Variants in PSMB10 observed in about 807,000 individuals in gnomAD.
PSMB10 encodes the protein proteasome 20S subunit beta 10, also known as proteasome subunit beta type-10.
Under a neutral mutation model 29.8 loss-of-function variants are expected in PSMB10, and 29 were observed. That is an observed-to-expected ratio of 0.97 (90% CI 0.73 to 1.33). The LOEUF is 1.33. Among genes scored for constraint, PSMB10 ranks in the 40% most tolerant of loss-of-function variants. The pLI is 0.00. For synonymous variants in PSMB10, 157 were observed against 164.7 expected (o/e 0.95, Z 0.36); for missense variants, 327 against 369.2 (o/e 0.89, Z 0.94).
Position 67,935,692 on chromosome 16 carries a change from T to C in PSMB10, c.389A>G (p.Gln130Arg). Residue 130 changes from glutamine to arginine, a missense_variant, in exon 5 of 8, where the codon CAG becomes CGG. By Grantham distance (43) the Gln-to-Arg change is conservative. Transcript: ENST00000358514. ...GATCAGCGATGCACCCACGTGGCCC[T>C]GGTACCTGCTCGAGGATGGGCGGGG... is the stretch of plus-strand genomic sequence containing the variant. ...RILRQTLFRY[Q>R]GHVGASLIVG... 6.2e-7 allele frequency: 1 copy of C among 1,613,664 alleles called. No individual in the cohort carries two copies. Among genetic ancestry groups the C allele is most frequent in the African/African-American group, 1.3e-5 (1 of 75,036 alleles).
chr16:67,934,710 T>A lies in PSMB10; in HGVS notation c.711-39A>T, dbSNP rs755011225. 3 of 1,610,932 alleles carry A rather than the reference T, an allele frequency of 1.9e-6. No homozygotes were observed. Among genetic ancestry groups the A allele is most frequent in the Non-Finnish European group, 2.5e-6 (3 of 1,177,234 alleles). On this transcript the variant is annotated intron_variant, in intron 7 of 7. Transcript: ENST00000358514. This position sits in a 1 kb window ranked among gnomAD's most constrained non-coding sequence, Gnocchi z 4.3. ...GGGACAGCCTCTGAACATGGGCCTG[T>A]CATGTGGCCCATCCCCTTTTTGCAG... is the stretch of plus-strand genomic sequence containing the variant.
Position 67,936,123 on chromosome 16 carries a change from C to G in PSMB10, c.243-20G>C. On this transcript the variant is annotated intron_variant, in intron 3 of 7. Transcript: ENST00000358514. ...CAGCAGCTGAGGCAAAAGGGAGGAT[C>G]GGTGTGGGCAGGGCTGGGACGTGCG... 1 of 1,607,046 alleles carries G rather than the reference C, an allele frequency of 6.2e-7. No individual in the cohort carries two copies. Among genetic ancestry groups the G allele is most frequent in the Non-Finnish European group, 8.5e-7 (1 of 1,174,376 alleles).
rs1407610788 is a variant in PSMB10, at chr16:67,936,235, G to A, written c.222C>T (p.His74=). 13 of 1,613,978 alleles carry A rather than the reference G, an allele frequency of 8.1e-6. No homozygotes were observed. The highest frequency in any genetic ancestry group is 1.1e-5 in the Non-Finnish European group (13 of 1,179,982). The part of the protein sequence containing the change: ...VVADKSCEKI[H]FIAPKIYCCG... ...CTCACTAGATTTTGGGGGCGATGAA[G>A]TGGATCTTCTCGCAGCTCTTGTCCG... Residue 74 remains histidine (H), a synonymous_variant, in exon 3 of 8, where the codon CAC becomes CAT. Coordinates refer to ENST00000358514, the MANE Select transcript of PSMB10 (RefSeq NM_002801.4).
At position 67,934,740 on chromosome 16, in the gene PSMB10, CT is replaced by C. The variant is rs765558495; in HGVS notation, c.710+56del. ...TGGCCCATCCCCTTTTTGCAGCCCC[CT>C]ATCTCCCCTGCTATAGCCCCACACA... On this transcript the variant is annotated intron_variant, in intron 7 of 7. Coordinates refer to ENST00000358514, the MANE Select transcript of PSMB10 (RefSeq NM_002801.4). The surrounding 1 kb of genome is among the most constrained non-coding windows in gnomAD (Gnocchi z 4.3). 6 of 1,610,340 alleles carry C rather than the reference CT, an allele frequency of 3.7e-6. No homozygotes were observed. The highest frequency in any genetic ancestry group is 5.1e-6 in the Non-Finnish European group (6 of 1,176,814).
At position 67,935,507 on chromosome 16, in the gene PSMB10, AC is replaced by A. The variant is rs747218751; in HGVS notation, c.500-30del. ...AAGGCAGGAGAAGCATCTGAAGTCA[AC>A]CGCTGCGACGCCGTTTGGAGTGAGG... On this transcript the variant is annotated intron_variant, in intron 5 of 7. Coordinates refer to ENST00000358514, the MANE Select transcript of PSMB10 (RefSeq NM_002801.4). 3.7e-6 allele frequency: 6 copies of A among 1,614,010 alleles called. No individual in the cohort carries two copies. In the Admixed American group the frequency reaches 1.0e-4, roughly 27 times the overall value.
In PSMB10 at chr16:67,935,574, G is replaced by A; in HGVS notation, c.499+8C>T. 3 of 1,614,014 alleles carry A rather than the reference G, an allele frequency of 1.9e-6. No homozygotes were observed. On this transcript the variant is annotated splice_region_variant and intron_variant, in intron 5 of 7. Transcript: ENST00000358514. ...CAGAGTTCGAGGAGAAGGGACAGAA[G>A]CGCTCACCCAGGGCTGTGAAGGGCA... is the stretch of plus-strand genomic sequence containing the variant.
At chr16:67,935,268 C>A in intron 6 of PSMB10, 152 bp downstream of exon 6, 1 of 918,944 alleles carries the variant, frequency 1.1e-6, no homozygotes, top group Non-Finnish European at 1.6e-6. Flanking sequence ...ATGTCGGGAC[C>A]GCACTTCTCT....
chr16:67,935,884 C>A (rs1464599197), intron 4 of PSMB10, 79 bp downstream of exon 4: 3 of 1,555,466 alleles, frequency 1.9e-6, no homozygotes, highest in Non-Finnish European at 2.6e-6. Context: ...GCGGTCCCGC[C>A]CTTCTTTCTG....
In PSMB10 at chr16:67,934,752, C is replaced by A. The variant is rs755696726; in HGVS notation, c.710+45G>T. The A allele has an allele frequency of 2.0e-5, 33 of 1,610,668 alleles. No individual in the cohort carries two copies. Among genetic ancestry groups the A allele is most frequent in the Admixed American group, 1.7e-4 (10 of 59,956 alleles). On this transcript the variant is annotated intron_variant, in intron 7 of 7. Transcript: ENST00000358514. The surrounding 1 kb of genome is among the most constrained non-coding windows in gnomAD (Gnocchi z 4.3). The stretch of plus-strand genomic sequence containing the variant: ...TTTTTGCAGCCCCCTATCTCCCCTG[C>A]TATAGCCCCACACATCCCTGTGGTC...
intron 5 of PSMB10, 47 bp downstream of exon 5, chr16:67,935,535 C>CA: frequency 6.2e-7 from 1 of 1,613,934 alleles, no homozygotes. Flanking sequence ...GGAGTGAGGC[C>CA]AAGGTCACAG....
Position 67,935,617 on chromosome 16 carries a change from TG to T in PSMB10, c.463del (p.His155MetfsTer23), listed in dbSNP as rs748136367. 1.2e-6 allele frequency: 2 copies of T among 1,614,206 alleles called. No individual in the cohort carries two copies. The highest frequency in any genetic ancestry group is 1.7e-6 in the Non-Finnish European group (2 of 1,180,036). On this transcript the variant is annotated frameshift_variant, in exon 5 of 8. Coordinates refer to ENST00000358514, the MANE Select transcript of PSMB10 (RefSeq NM_002801.4). LOFTEE classifies it high-confidence loss of function. ...GAAGGGCAGACGGCTGTAGGAGCCA[TG>T]GGGATGCACACCGTAGAGCTGCGGT... is the stretch of plus-strand genomic sequence containing the variant. ...TGPQLYGVHPHGSYSRLPFTA... is the reference protein window; with the variant it reads ...TGPQLYGVHPXGSYSRLPFTA...
chr16:67,936,126 T>G, intron 3 of PSMB10, 23 bp from the exon 4 acceptor site: 1 of 1,607,318 alleles, frequency 6.2e-7, no homozygotes, highest in Non-Finnish European at 8.5e-7. Context: ...GGAGGATCGG[T>G]GTGGGCAGGG....
rs757027515 is a variant in PSMB10 at position 67,936,222 on chromosome 16, T to C, written c.235A>G (p.Lys79Glu). 2 of 1,613,874 alleles carry C rather than the reference T, an allele frequency of 1.2e-6. No individual in the cohort carries two copies. The highest frequency in any genetic ancestry group is 1.3e-5 in the African/African-American group (1 of 74,878). ...SCEKIHFIAP[K>E]IYCCGAGVAA... ...TGGGCTCGGGAGTCTCACTAGATTT[T>C]GGGGGCGATGAAGTGGATCTTCTCG... The change falls in exon 3 of 8, where the codon AAA becomes GAA. Residue 79 changes from lysine (K) to glutamate (E), a missense_variant. Physicochemically the swap from Lys to Glu is moderately conservative, Grantham distance 56. Transcript: ENST00000358514.
In PSMB10 at chr16:67,934,886, G is replaced by C; in HGVS notation, c.621C>G (p.Gly207=). 1 of 1,613,856 alleles carries C rather than the reference G, an allele frequency of 6.2e-7. No individual in the cohort carries two copies. The highest frequency in any genetic ancestry group is 2.2e-5 in the East Asian group (1 of 44,884). Residue 207 remains glycine (G), a synonymous_variant, in exon 7 of 8, where the codon GGC becomes GGG. Transcript: ENST00000358514. The surrounding 1 kb of genome is among the most constrained non-coding windows in gnomAD (Gnocchi z 4.3). ...AVTAGILGDL[G]SGGNVDACVI... is the part of the protein sequence containing the mutation. ...CACATGCGTCCACATTGCCCCCGGA[G>C]CCCAGGTCACCCAAGATCCCGGCGG...
chr16:67,935,018 T>TG, intron 6 of PSMB10, 70 bp from the exon 7 acceptor site: 1 of 1,557,340 alleles, frequency 6.4e-7, no homozygotes, highest in Non-Finnish European at 8.7e-7. Flanking sequence ...CCTGGGGACT[T>TG]GCCTGTCCAC....
Position 67,936,031 on chromosome 16 carries a change from G to A in PSMB10, c.315C>T (p.His105=), listed in dbSNP as rs1205406040. The A allele has an allele frequency of 6.2e-7, 1 of 1,612,780 alleles. No homozygotes were observed. The highest frequency in any genetic ancestry group is 8.5e-7 in the Non-Finnish European group (1 of 1,179,538). ...GGGGCTCGCGGCCCGTAGATAACGC[G>A]TGTAGCTCCATCTTGGACGCCACCA... ...TRMVASKMEL[H]ALSTGREPRV... Residue 105 remains histidine (H), a synonymous_variant, in exon 4 of 8, where the codon CAC becomes CAT. Coordinates refer to ENST00000358514, the MANE Select transcript of PSMB10 (RefSeq NM_002801.4).
intron 6 of PSMB10, 194 bp from the exon 7 acceptor site, chr16:67,935,142 C>A: frequency 1.3e-6 from 1 of 760,766 alleles, no homozygotes; most frequent in South Asian, 1.8e-5. Flanking sequence ...AATCTAGGCT[C>A]CAGACGTTGA....
chr16:67,935,636 GCT>G lies in PSMB10; in HGVS notation c.443_444del (p.Gln148ProfsTer57). The stretch of plus-strand genomic sequence containing the variant: ...GAGCCATGGGGATGCACACCGTAGA[GCT>G]GCGGTCCAGTCAGGTCTACGCCGCC... ...IVGGVDLTGP[Q>X]LYGVHPHGSY... On this transcript the variant is annotated frameshift_variant, in exon 5 of 8. Coordinates refer to ENST00000358514, the MANE Select transcript of PSMB10 (RefSeq NM_002801.4). LOFTEE classifies it high-confidence loss of function. The G allele has an allele frequency of 6.2e-7, 1 of 1,614,228 alleles. No individual in the cohort carries two copies. Among genetic ancestry groups the G allele is most frequent in the Non-Finnish European group, 8.5e-7 (1 of 1,180,040 alleles).
At chr16:67,936,671 C>A (rs894506408) in intron 1 of PSMB10, 23 bp downstream of exon 1, 2 of 1,546,668 alleles carry the variant, frequency 1.3e-6, no homozygotes, top group Non-Finnish European at 1.7e-6. Flanking sequence ...CAGGAGTGAC[C>A]GCCCCCCGCG....
Sources: gnomAD v4.1 joint callset for allele counts on GRCh38, gnomAD v4.1.1 for gene constraint, Gnocchi (gnomAD v3.1) non-coding constraint, MANE v1.5 for transcripts, NCBI Gene and HGNC (gene_info 2026-07-23, HGNC 2026-07-21) for gene names.